Variants in IL1RAPL1 observed in about 807,000 individuals in gnomAD.
IL1RAPL1 encodes interleukin-1 receptor accessory protein-like 1.
IL1RAPL1 carries 3 observed loss-of-function variants against 48.4 expected under a neutral mutation model. The ratio of observed to expected loss-of-function variants is 0.06; its 90% CI spans 0.03 to 0.16. The LOEUF is 0.16. Ranked by LOEUF, IL1RAPL1 falls within the 10% of genes least tolerant of loss-of-function variation. The pLI, the probability that IL1RAPL1 is intolerant of heterozygous loss-of-function variation, is 1.00. For missense variants in IL1RAPL1, 349 were observed against 530.6 expected (o/e 0.66, Z 3.36); for synonymous variants, 185 against 187.7 (o/e 0.99, Z 0.12).
chrX:29,578,513 GTCT>G (rs1922848029), intron 5 of IL1RAPL1, among the ~76,000 whole-genome samples: 1 of 111,966 alleles, frequency 8.9e-6, no homozygotes, highest in African/African-American at 3.2e-5. Flanking sequence ...GAGTTCACTT[GTCT>G]TCTTTTCAGT....
chrX:29,214,926 T>C (rs1436181692), intron 2 of IL1RAPL1, among the ~76,000 whole-genome samples: 1 of 112,300 alleles, frequency 8.9e-6, no homozygotes, highest in Non-Finnish European at 1.9e-5. Flanking sequence ...AATAAGTCCT[T>C]ACTAAATAGA....
chrX:28,925,696 G>A (rs112217818), intron 2 of IL1RAPL1, among the ~76,000 whole-genome samples: 1,317 of 111,776 alleles, frequency 0.012, 22 homozygotes, highest in African/African-American at 0.04. Context: ...GCTGAGGCGG[G>A]CGGATCACAA....
chrX:29,178,420 C>T (rs1418043506), intron 2 of IL1RAPL1, among the ~76,000 whole-genome samples: 13 of 112,013 alleles, frequency 1.2e-4, no homozygotes, highest in South Asian at 7.5e-4. Context: ...TCATATCCTT[C>T]GCCCACTTTT....
intron 6 of IL1RAPL1, among the ~76,000 whole-genome samples, chrX:29,738,445 C>A (rs867520791): frequency 3.1e-5 from 3 of 96,562 alleles, no homozygotes; most frequent in African/African-American, 1.3e-4. Context: ...TTTTTCTTTT[C>A]TTTTCTTTTT....
At chrX:29,915,023 T>C (rs1023672341) in intron 6 of IL1RAPL1, among the ~76,000 whole-genome samples, 6 of 107,979 alleles carry the variant, frequency 5.6e-5, no homozygotes, top group African/African-American at 1.1e-4. Context: ...CGGCTGGACG[T>C]GGTGGCTCAC....
At position 29,883,830 on chromosome X, in the gene IL1RAPL1, T is replaced by G. The variant is rs759219504; in HGVS notation, c.779-33634T>G. On this transcript the variant is annotated intron_variant, in intron 6 of 10. Coordinates refer to ENST00000378993, the MANE Select transcript of IL1RAPL1 (RefSeq NM_014271.4). ...TAAGAACTGGCTTGTGTGCAAAGAC[T>G]TTTCTTTGACGTGAGATTGAATTAA... 9.8e-5 allele frequency among the ~76,000 whole-genome samples: 11 copies of G among 112,595 alleles called. No homozygotes were observed. The South Asian group carries it at 3.3e-3, about 34-fold the overall frequency.
At chrX:28,723,370 C>T (rs1287207405) in intron 1 of IL1RAPL1, among the ~76,000 whole-genome samples, 6 of 111,249 alleles carry the variant, frequency 5.4e-5, no homozygotes, top group African/African-American at 9.8e-5. Context: ...GATTTTCTAG[C>T]TTATTTGCAT....
At chrX:29,232,191 A>G (rs1931214004) in intron 2 of IL1RAPL1, among the ~76,000 whole-genome samples, 1 of 112,065 alleles carries the variant, frequency 8.9e-6, no homozygotes, top group Non-Finnish European at 1.9e-5. Context: ...TGTTTTAAAA[A>G]AATAATTTCT....
In IL1RAPL1 at chrX:28,931,263, G is replaced by A. The variant is rs551147765; in HGVS notation, c.82+141838G>A. Among the ~76,000 whole-genome samples, 22 of 111,836 alleles carry A rather than the reference G, an allele frequency of 2.0e-4. No homozygotes were observed. The South Asian group carries it at 7.8e-3, about 40-fold the overall frequency. On this transcript the variant is annotated intron_variant, in intron 2 of 10. Transcript: ENST00000378993. ...TGATTGATCCCTATTTTGTTGGAAAGTGAAAATTGAGCAGTTTTAACTCTA... is the reference window on the plus strand; with the variant it reads ...TGATTGATCCCTATTTTGTTGGAAAATGAAAATTGAGCAGTTTTAACTCTA...
Position 29,319,558 on chromosome X carries a change from G to GTATGTATCTATCTATC in IL1RAPL1, c.362+36344_362+36345insGTATCTATCTATCTAT, listed in dbSNP as rs1555990684. 2.3e-4 allele frequency among the ~76,000 whole-genome samples: 19 copies of GTATGTATCTATCTATC among 82,019 alleles called. 1 individual carries two copies. The highest frequency in any genetic ancestry group is 6.1e-4 in the Admixed American group (4 of 6,506). The allele number at this position is 82,019 out of a possible 115,157, so 71.2% of individuals were successfully genotyped here. A position where few individuals can be genotyped will look rare whatever the true frequency, so the allele number is the denominator to read the frequency against. On this transcript the variant is annotated intron_variant, in intron 3 of 10. Transcript: ENST00000378993. ...TGTATGTATGTATGTATGTATGTAT[G>GTATGTATCTATCTATC]TATCTATCTATCTATCTATCCATCC...
At chrX:28,961,036 A>AAAAAAT (rs1924761309) in intron 2 of IL1RAPL1, among the ~76,000 whole-genome samples, 1 of 106,107 alleles carries the variant, frequency 9.4e-6, no homozygotes, top group Non-Finnish European at 1.9e-5. Context: ...AAAAAAAAAA[A>AAAAAAT]GTGTGGGTAA....
intron 5 of IL1RAPL1, among the ~76,000 whole-genome samples, chrX:29,535,134 CAAAAAAAAAAAA>C (rs35842937): frequency 4.9e-4 from 11 of 22,582 alleles, no homozygotes; most frequent in African/African-American, 5.8e-4. Context: ...ACTCTGTCTC[CAAAAAAAAAAAA>C]AAAAAAAAAA....
intron 5 of IL1RAPL1, among the ~76,000 whole-genome samples, chrX:29,557,983 T>G (rs144813191): frequency 2.7e-5 from 3 of 111,862 alleles, no homozygotes; most frequent in Non-Finnish European, 5.7e-5. Flanking sequence ...TTGTGAATAA[T>G]ACTGTAATGA....
chrX:29,331,024 G>A (rs1402842362), intron 3 of IL1RAPL1, among the ~76,000 whole-genome samples: 1 of 110,566 alleles, frequency 9.0e-6, no homozygotes. Context: ...AAAATTAGCT[G>A]GGTGTGGTGG....
At chrX:29,791,885 T>C (rs1293370103) in intron 6 of IL1RAPL1, among the ~76,000 whole-genome samples, 1 of 108,759 alleles carries the variant, frequency 9.2e-6, no homozygotes, top group African/African-American at 3.4e-5. Context: ...CACGCACCAA[T>C]ACGCTCAGCT....
At chrX:28,848,138 G>A (rs200755355) in intron 2 of IL1RAPL1, among the ~76,000 whole-genome samples, 6 of 110,577 alleles carry the variant, frequency 5.4e-5, no homozygotes, top group East Asian at 2.9e-4. Context: ...CACAGGGAGG[G>A]GAACATCACA....
At chrX:29,620,620 C>T (rs1409844720) in intron 5 of IL1RAPL1, among the ~76,000 whole-genome samples, 1 of 111,762 alleles carries the variant, frequency 8.9e-6, no homozygotes. Flanking sequence ...CTAAATAAGA[C>T]AATAAAGACA....
intron 6 of IL1RAPL1, among the ~76,000 whole-genome samples, chrX:29,820,126 A>G (rs1413568246): frequency 9.3e-6 from 1 of 107,600 alleles, no homozygotes; most frequent in Non-Finnish European, 1.9e-5. Context: ...ATACTTATAT[A>G]AATATAGTAT....
chrX:29,449,780 C>CACAGAGAGAGAGAG (rs557765024), intron 5 of IL1RAPL1, among the ~76,000 whole-genome samples: 2 of 58,279 alleles, frequency 3.4e-5, no homozygotes, highest in African/African-American at 1.5e-4. Context: ...CACACACACA[C>CACAGAGAGAGAGAG]AGAGAGAGAG....
Sources: allele counts gnomAD v4.1 joint callset (sites outside exome capture counted in the v4.1 genomes callset), GRCh38; gene constraint gnomAD v4.1.1; transcripts MANE v1.5; gene names NCBI Gene and HGNC (gene_info 2026-07-23, HGNC 2026-07-21).